The following TRAPPC9 variants were observed in gnomAD, a reference collection of about 807,000 sequenced individuals.
The protein encoded by TRAPPC9 is IKK2 binding protein.
TRAPPC9 carries 83 observed loss-of-function variants against 124.0 expected under a neutral mutation model. The observed-to-expected ratio is 0.67, with a 90% confidence interval of 0.56 to 0.80. TRAPPC9 has a LOEUF of 0.80. TRAPPC9 is among the 30% of genes least tolerant of loss of function. The pLI, the probability that TRAPPC9 is intolerant of heterozygous loss-of-function variation, is 0.00. For missense variants in TRAPPC9, 1,302 were observed against 1,508.3 expected (o/e 0.86, Z 2.27); for synonymous variants, 638 against 617.5 (o/e 1.03, Z -0.49).
intron 18 of TRAPPC9, among the ~76,000 whole-genome samples, chr8:140,017,803 C>T (rs1321260574): frequency 6.6e-6 from 1 of 152,122 alleles, no homozygotes; most frequent in East Asian, 1.9e-4. Flanking sequence ...TCGGGGAAAA[C>T]CACTATCTTA....
intron 9 of TRAPPC9, among the ~76,000 whole-genome samples, chr8:140,334,565 G>T (rs185845180): frequency 3.9e-4 from 59 of 152,030 alleles, no homozygotes; most frequent in Non-Finnish European, 6.6e-4. Flanking sequence ...CAGGAGAATC[G>T]CTTGAACCCG....
At chr8:139,978,959 G>C (rs1157304118) in intron 19 of TRAPPC9, among the ~76,000 whole-genome samples, 1 of 152,138 alleles carries the variant, frequency 6.6e-6, no homozygotes, top group African/African-American at 2.4e-5. Flanking sequence ...AGAGACATCT[G>C]GGTGGGCTTC....
chr8:140,289,697 G>A (rs1043687031), intron 12 of TRAPPC9, among the ~76,000 whole-genome samples: 1 of 151,030 alleles, frequency 6.6e-6, no homozygotes, highest in East Asian at 1.9e-4. Flanking sequence ...AAAAAAAAAT[G>A]TGTAAGAAAG....
chr8:139,995,728 A>G (rs1837920680), intron 18 of TRAPPC9, among the ~76,000 whole-genome samples: 1 of 152,136 alleles, frequency 6.6e-6, no homozygotes, highest in Admixed American at 6.5e-5. Context: ...GACCCTCAAG[A>G]GCAAACCACG....
At chr8:139,988,339 C>G (rs1837390572) in intron 19 of TRAPPC9, among the ~76,000 whole-genome samples, 1 of 151,980 alleles carries the variant, frequency 6.6e-6, no homozygotes, top group Non-Finnish European at 1.5e-5. Flanking sequence ...TCTTGAACTC[C>G]TGATCTCAGG....
At chr8:139,800,255 C>G (rs62528707) in intron 21 of TRAPPC9, among the ~76,000 whole-genome samples, 1 of 152,234 alleles carries the variant, frequency 6.6e-6, no homozygotes, top group Non-Finnish European at 1.5e-5. Context: ...TATGCCAGGA[C>G]AGCATTCTGT....
At chr8:140,122,071 C>G (rs2060999912) in intron 17 of TRAPPC9, among the ~76,000 whole-genome samples, 1 of 151,980 alleles carries the variant, frequency 6.6e-6, no homozygotes, top group Admixed American at 6.5e-5. Flanking sequence ...CTCCCTCTCT[C>G]CCTCCTACAC....
intron 17 of TRAPPC9, among the ~76,000 whole-genome samples, chr8:140,050,214 A>T (rs1841901626): frequency 6.6e-6 from 1 of 152,204 alleles, no homozygotes; most frequent in South Asian, 2.1e-4. Flanking sequence ...CCAGTGCTTC[A>T]TGAGTCATCA....
At chr8:140,294,897 CCACCA>C (rs1352711674) in intron 11 of TRAPPC9, among the ~76,000 whole-genome samples, 2 of 152,176 alleles carry the variant, frequency 1.3e-5, no homozygotes, top group Non-Finnish European at 2.9e-5. Context: ...CAGGCGTGAG[CCACCA>C]CACCCAGCCT....
chr8:140,456,870 T>C (rs2071685265), intron 1 of TRAPPC9: 2 of 984,176 alleles, frequency 2.0e-6, no homozygotes, highest in Non-Finnish European at 2.4e-6. Context: ...AGACAACGCA[T>C]CCTAACACGG....
chr8:139,952,941 A>G (rs1286363477), intron 19 of TRAPPC9, among the ~76,000 whole-genome samples: 1 of 152,228 alleles, frequency 6.6e-6, no homozygotes, highest in Non-Finnish European at 1.5e-5. Flanking sequence ...CCAAGACCCC[A>G]CGGCTTGTCA....
intron 18 of TRAPPC9, among the ~76,000 whole-genome samples, chr8:139,993,179 A>C (rs557789537): frequency 6.6e-6 from 1 of 152,338 alleles, no homozygotes; most frequent in Non-Finnish European, 1.5e-5. Context: ...AAATTGACTA[A>C]GGATTTGAAT....
At chr8:139,973,602 T>C (rs1457824184) in intron 19 of TRAPPC9, among the ~76,000 whole-genome samples, 2 of 152,188 alleles carry the variant, frequency 1.3e-5, no homozygotes, top group Admixed American at 6.5e-5. Context: ...GAAATTTCTA[T>C]GAAATTGGAA....
intron 5 of TRAPPC9, among the ~76,000 whole-genome samples, chr8:140,415,032 G>A (rs1347462925): frequency 4.6e-5 from 7 of 151,934 alleles, no homozygotes; most frequent in Admixed American, 6.6e-5. Context: ...GAGCCACCAC[G>A]CCTGGCCTAG....
chr8:140,075,166 AC>A, intron 17 of TRAPPC9, among the ~76,000 whole-genome samples: 1 of 151,884 alleles, frequency 6.6e-6, no homozygotes, highest in East Asian at 1.9e-4. Context: ...GAAAAACACC[AC>A]CCTTCTTTGC....
At chr8:140,454,194 CAGG>C (rs2071569931) in intron 1 of TRAPPC9, among the ~76,000 whole-genome samples, 1 of 152,122 alleles carries the variant, frequency 6.6e-6, no homozygotes, top group Non-Finnish European at 1.5e-5. Context: ...GAGGCTGAGG[CAGG>C]AGAATTGCTT....
At chr8:140,382,540 C>T (rs192790060) in intron 7 of TRAPPC9, among the ~76,000 whole-genome samples, 106 of 152,258 alleles carry the variant, frequency 7.0e-4, no homozygotes, top group African/African-American at 2.4e-3. Context: ...GAGGGTCCCA[C>T]GCCCACGGAG....
intron 18 of TRAPPC9, among the ~76,000 whole-genome samples, chr8:140,010,430 A>G (rs1839044551): frequency 1.3e-5 from 2 of 152,246 alleles, no homozygotes; most frequent in African/African-American, 4.8e-5. Flanking sequence ...AATAATTTGT[A>G]GTAAAATGCA....
At chr8:140,255,842 C>T (rs1408714603) in intron 15 of TRAPPC9, among the ~76,000 whole-genome samples, 2 of 152,066 alleles carry the variant, frequency 1.3e-5, no homozygotes, top group Admixed American at 6.6e-5. Flanking sequence ...GTCAAGGTCG[C>T]GCCACTACAC....
Sources: gnomAD v4.1 joint callset for allele counts (sites outside exome capture counted in the v4.1 genomes callset) on GRCh38, gnomAD v4.1.1 for gene constraint, MANE v1.5 for transcripts, NCBI Gene and HGNC (gene_info 2026-07-23, HGNC 2026-07-21) for gene names.